The following RAP1GAP variants were observed in gnomAD, a reference collection of about 807,000 sequenced individuals.
RAP1GAP encodes RAP1 GTPase activating protein.
A neutral mutation model predicts 87.2 loss-of-function variants in RAP1GAP; 35 were observed. That is an observed-to-expected ratio of 0.40 (90% CI 0.31 to 0.53). The LOEUF is 0.53. Among genes scored for constraint, RAP1GAP ranks in the 20% least tolerant of loss-of-function variants. The pLI is 0.48. For missense variants in RAP1GAP, 734 were observed against 898.9 expected, an observed-to-expected ratio of 0.82 and a Z score of 2.35; for synonymous variants, 375 against 363.9, an observed-to-expected ratio of 1.03 and a Z score of -0.35.
intron 19 of RAP1GAP, among the ~76,000 whole-genome samples, chr1:21,602,449 AC>A (rs2069493068): frequency 6.6e-6 from 1 of 152,290 alleles, no homozygotes; most frequent in South Asian, 2.1e-4. Flanking sequence ...ATCTGTGGCC[AC>A]CCTGAAAACC....
intron 17 of RAP1GAP, 44 bp from the exon 18 acceptor site, chr1:21,606,241 G>A (rs1558638060): frequency 6.5e-7 from 1 of 1,548,604 alleles, no homozygotes. Flanking sequence ...ATTCCTAAGG[G>A]CCGTCCCCTT....
Position 21,603,435 on chromosome 1 carries a change from T to C in RAP1GAP, c.1429-522A>G, listed in dbSNP as rs1211233274. 1.8e-6 allele frequency: 1 copy of C among 559,426 alleles called. No individual in the cohort carries two copies. Among genetic ancestry groups the C allele is most frequent in the Non-Finnish European group, 3.2e-6 (1 of 314,372 alleles). 34.7% of individuals were successfully genotyped at this position (559,426 alleles called of 1,614,324 possible). A position where few individuals can be genotyped will look rare whatever the true frequency, so the allele number is the denominator to read the frequency against. On this transcript the variant is annotated intron_variant, in intron 18 of 24. Transcript: ENST00000374765. The surrounding 1 kb of genome is among the most constrained non-coding windows in gnomAD (Gnocchi z 6.0). The stretch of plus-strand genomic sequence containing the variant: ...CCCAGAAGCCCGCCCCCAGCTTCTC[T>C]GGAGGCAGGAAGGGGTAGGACCCCA...
intron 1 of RAP1GAP, among the ~76,000 whole-genome samples, chr1:21,666,827 G>A (rs1327739462): frequency 6.6e-6 from 1 of 152,170 alleles, no homozygotes; most frequent in Non-Finnish European, 1.5e-5. Flanking sequence ...TGTACCATGT[G>A]TGCACCCTGG....
chr1:21,659,370 G>A (rs1262781277), intron 1 of RAP1GAP, among the ~76,000 whole-genome samples: 2 of 152,152 alleles, frequency 1.3e-5, no homozygotes, highest in Non-Finnish European at 2.9e-5. Flanking sequence ...ACCCGGAGCC[G>A]CCGGGACAGC....
Position 21,603,081 on chromosome 1 carries a change from G to A in RAP1GAP, c.1429-168C>T. On this transcript the variant is annotated intron_variant, in intron 18 of 24. Transcript: ENST00000374765. The surrounding 1 kb of genome is among the most constrained non-coding windows in gnomAD (Gnocchi z 6.0). Reference sequence around the variant, plus strand: ...GAGACAGCCTCCCAGTTTACGAAAGGGAAACAGTCCCCAGGAGGGCAAGGG... The same window carrying A: ...GAGACAGCCTCCCAGTTTACGAAAGAGAAACAGTCCCCAGGAGGGCAAGGG... 3.4e-6 allele frequency: 2 copies of A among 593,644 alleles called. No individual in the cohort carries two copies. Among genetic ancestry groups the A allele is most frequent in the Non-Finnish European group, 3.0e-6 (1 of 335,026 alleles). The allele number at this position is 593,644 out of a possible 1,614,324, so 36.8% of individuals were successfully genotyped here.
chr1:21,597,630 C>T (rs1196439353), intron 24 of RAP1GAP, 56 bp downstream of exon 24: 42 of 1,468,560 alleles, frequency 2.9e-5, no homozygotes, highest in Non-Finnish European at 3.8e-5. Context: ...TCAGCTCAGC[C>T]CTCTACACAC....
At chr1:21,651,450 G>A (rs750359345) in intron 1 of RAP1GAP, 10 of 582,916 alleles carry the variant, frequency 1.7e-5, no homozygotes, top group South Asian at 8.5e-5. Context: ...ACACACAGGC[G>A]GAGTAGCCCC....
chr1:21,652,035 C>T, intron 1 of RAP1GAP: 1 of 194,476 alleles, frequency 5.1e-6, no homozygotes, highest in Non-Finnish European at 9.4e-6. Flanking sequence ...GGGGGCTTCG[C>T]GGGACTTTCC....
At chr1:21,597,575 T>A in intron 24 of RAP1GAP, 111 bp downstream of exon 24, 1 of 1,185,472 alleles carries the variant, frequency 8.4e-7, no homozygotes, top group South Asian at 1.6e-5. Flanking sequence ...CAAACCCAGA[T>A]ACATAGCTCC....
intron 2 of RAP1GAP, among the ~76,000 whole-genome samples, chr1:21,632,905 T>C (rs1222322252): frequency 1.3e-5 from 2 of 151,818 alleles, no homozygotes; most frequent in African/African-American, 4.8e-5. Context: ...ATCTATACAA[T>C]GGAAACAGAC....
chr1:21,603,733 G>A lies in RAP1GAP; in HGVS notation c.1429-820C>T. The A allele has an allele frequency of 7.7e-7, 1 of 1,304,300 alleles. No homozygotes were observed. Among genetic ancestry groups the A allele is most frequent in the Non-Finnish European group, 1.1e-6 (1 of 902,734 alleles). 80.8% of individuals were successfully genotyped at this position (1,304,300 alleles called of 1,614,324 possible). Reference sequence around the variant, plus strand: ...CCGCACGCCCTGGGGCCTGTCCCGGGGGCAGAGGGGCAACGTCCCCAATAT... The same window carrying A: ...CCGCACGCCCTGGGGCCTGTCCCGGAGGCAGAGGGGCAACGTCCCCAATAT... On this transcript the variant is annotated intron_variant, in intron 18 of 24. Transcript: ENST00000374765. This position sits in a 1 kb window ranked among gnomAD's most constrained non-coding sequence, Gnocchi z 6.0.
chr1:21,616,272 A>C (rs2082115438), intron 7 of RAP1GAP, among the ~76,000 whole-genome samples: 1 of 152,118 alleles, frequency 6.6e-6, no homozygotes, highest in African/African-American at 2.4e-5. Context: ...AGGCTTAGTC[A>C]TTGTGTGACC....
chr1:21,639,437 A>C (rs2095291862), intron 2 of RAP1GAP, among the ~76,000 whole-genome samples: 1 of 152,200 alleles, frequency 6.6e-6, no homozygotes, highest in South Asian at 2.1e-4. Flanking sequence ...ACAAGACCTG[A>C]AAGTCAAACG....
chr1:21,627,372 A>G (rs909860599), intron 2 of RAP1GAP, among the ~76,000 whole-genome samples: 4 of 150,338 alleles, frequency 2.7e-5, no homozygotes, highest in African/African-American at 9.8e-5. Flanking sequence ...AGTCTGGCCC[A>G]GGAAGAAGAC....
rs2080081437 is a variant in RAP1GAP at position 21,613,818 on chromosome 1, G to A, written c.396-112C>T. 3.3e-6 allele frequency: 4 copies of A among 1,197,296 alleles called. No individual in the cohort carries two copies. The African/African-American group carries it at 4.5e-5, about 13-fold the overall frequency. The allele number at this position is 1,197,296 out of a possible 1,614,324, so 74.2% of individuals were successfully genotyped here. ...GGGTGGACCACAGCGAGGACCAGAG[G>A]TGATGATGGGTGTCAGGCTGACTCG... On this transcript the variant is annotated intron_variant, in intron 8 of 24. Coordinates refer to ENST00000374765, the MANE Select transcript of RAP1GAP (RefSeq NM_002885.4). The surrounding 1 kb of genome is among the most constrained non-coding windows in gnomAD (Gnocchi z 4.7).
intron 1 of RAP1GAP, among the ~76,000 whole-genome samples, chr1:21,657,307 G>A (rs977989363): frequency 3.3e-5 from 5 of 152,198 alleles, no homozygotes; most frequent in South Asian, 2.1e-4. Flanking sequence ...CTCCGGCTGC[G>A]TTAGTACATG....
Position 21,634,912 on chromosome 1 carries a change from C to A in RAP1GAP, c.-112-8515G>T, listed in dbSNP as rs2094441291. Reference sequence around the variant, plus strand: ...AGGAGGAGGAGTGACTCTGAGATGACCCGGCCGCAGGGCCTCTTCCTGCCG... The same window carrying A: ...AGGAGGAGGAGTGACTCTGAGATGAACCGGCCGCAGGGCCTCTTCCTGCCG... On this transcript the variant is annotated intron_variant, in intron 2 of 24. Transcript: ENST00000374765. The surrounding 1 kb of genome is among the most constrained non-coding windows in gnomAD (Gnocchi z 4.1). 5.6e-6 allele frequency: 1 copy of A among 179,704 alleles called. No homozygotes were observed. The highest frequency in any genetic ancestry group is 2.4e-5 in the African/African-American group (1 of 42,180). The allele number at this position is 179,704 out of a possible 1,614,324, so 11.1% of individuals were successfully genotyped here.
intron 10 of RAP1GAP, among the ~76,000 whole-genome samples, chr1:21,612,541 C>T (rs2079044486): frequency 6.6e-6 from 1 of 152,192 alleles, no homozygotes; most frequent in Non-Finnish European, 1.5e-5. Context: ...AGTTCTCCTC[C>T]TCACCTTAGG....
intron 2 of RAP1GAP, among the ~76,000 whole-genome samples, chr1:21,637,642 G>A (rs1266736684): frequency 6.6e-6 from 1 of 152,062 alleles, no homozygotes; most frequent in Non-Finnish European, 1.5e-5. Flanking sequence ...GTTTGCAACC[G>A]CAAACATCTG....
Sources: gnomAD v4.1 joint callset for allele counts (sites outside exome capture counted in the v4.1 genomes callset) on GRCh38, gnomAD v4.1.1 for gene constraint, Gnocchi (gnomAD v3.1) non-coding constraint, MANE v1.5 for transcripts, NCBI Gene and HGNC (gene_info 2026-07-23, HGNC 2026-07-21) for gene names.